The following PTPRK variants were observed in gnomAD, a reference collection of about 807,000 sequenced individuals.
The protein encoded by PTPRK is protein tyrosine phosphatase receptor type K, also known as receptor-type tyrosine-protein phosphatase kappa.
Under a neutral mutation model 178.0 loss-of-function variants are expected in PTPRK, and 75 were observed. The ratio of observed to expected loss-of-function variants is 0.42; its 90% confidence interval spans 0.35 to 0.51. The LOEUF (loss-of-function observed/expected upper bound fraction) is 0.51, where lower values mean the gene tolerates loss of function less well. PTPRK is among the 20% of genes least tolerant of loss of function. PTPRK has a pLI of 0.02. For missense variants in PTPRK, 1,441 were observed against 1,797.8 expected, an observed-to-expected ratio of 0.80 and a Z score of 3.59; for synonymous variants, 637 against 620.6, an observed-to-expected ratio of 1.03 and a Z score of -0.39.
chr6:128,233,306 A>C (rs1300529324), intron 5 of PTPRK, among the ~76,000 whole-genome samples: 1 of 152,162 alleles, frequency 6.6e-6, no homozygotes, highest in Non-Finnish European at 1.5e-5. Flanking sequence ...CAATTAACTC[A>C]ATTGTTTAGA....
chr6:128,047,622 T>G (rs921877941), intron 13 of PTPRK, among the ~76,000 whole-genome samples: 2 of 152,160 alleles, frequency 1.3e-5, no homozygotes, highest in Admixed American at 6.6e-5. Context: ...AAGAAAGAGA[T>G]TCACTATTTT....
At chr6:128,302,216 G>A (rs528131392) in intron 3 of PTPRK, among the ~76,000 whole-genome samples, 52 of 151,632 alleles carry the variant, frequency 3.4e-4, no homozygotes, top group African/African-American at 1.0e-3. Context: ...GTGAAACCCC[G>A]TCTCTACTAA....
At chr6:128,298,069 A>T (rs887102128) in intron 3 of PTPRK, among the ~76,000 whole-genome samples, 2 of 152,172 alleles carry the variant, frequency 1.3e-5, no homozygotes, top group Admixed American at 1.3e-4. Context: ...ATCCCACAGA[A>T]ATACAAACTA....
chr6:127,983,382 A>G lies in PTPRK; in HGVS notation c.3252-5T>C, dbSNP rs761769320. 1 of 1,611,364 alleles carries G rather than the reference A, an allele frequency of 6.2e-7. No individual in the cohort carries two copies. The highest frequency in any genetic ancestry group is 1.1e-5 in the South Asian group (1 of 90,644). The stretch of plus-strand genomic sequence containing the variant: ...CCAGTTCGTCCAGCACCAGCACTGA[A>G]AAACAATTAAATTTAATGAATTGTA... On this transcript the variant is annotated splice_polypyrimidine_tract_variant and splice_region_variant and intron_variant, in intron 22 of 29. Coordinates refer to ENST00000368226, the MANE Select transcript of PTPRK (RefSeq NM_002844.4).
chr6:128,089,991 T>A lies in PTPRK; in HGVS notation c.1164A>T (p.Glu388Asp). The A allele has an allele frequency of 6.3e-7, 1 of 1,592,994 alleles. No individual in the cohort carries two copies. The highest frequency in any genetic ancestry group is 8.6e-7 in the Non-Finnish European group (1 of 1,161,216). Residue 388 changes from glutamate to aspartate, a missense_variant and splice_region_variant, in exon 8 of 30, where the codon GAA becomes GAT. Coordinates refer to ENST00000368226, the MANE Select transcript of PTPRK (RefSeq NM_002844.4). The stretch of plus-strand genomic sequence containing the variant: ...TTAATGTCTTTGGGGTTCTCATAGG[T>A]TCTGAAAAATAAATCAGAGTTGTAG... ...PPLITRTKCA[E>D]PMRTPKTLKI...
At chr6:128,077,462 G>A (rs924543852) in intron 11 of PTPRK, among the ~76,000 whole-genome samples, 2 of 151,854 alleles carry the variant, frequency 1.3e-5, no homozygotes, top group African/African-American at 4.8e-5. Flanking sequence ...GTATTCTTTT[G>A]TCAATACATT....
chr6:128,197,184 C>CT (rs5879879), intron 6 of PTPRK, among the ~76,000 whole-genome samples: 120,484 of 138,666 alleles, frequency 0.87, 52,322 homozygotes, highest in East Asian at 0.97. Context: ...TTGTTTTTTT[C>CT]TTTTTTTTTT....
intron 7 of PTPRK, among the ~76,000 whole-genome samples, chr6:128,146,790 T>C (rs1796564265): frequency 1.3e-5 from 2 of 152,088 alleles, no homozygotes; most frequent in African/African-American, 2.4e-5. Context: ...ACTTTATTAT[T>C]TGCATTCTAA....
At chr6:128,439,270 G>A (rs376380912) in intron 1 of PTPRK, among the ~76,000 whole-genome samples, 4 of 152,020 alleles carry the variant, frequency 2.6e-5, no homozygotes, top group Non-Finnish European at 5.9e-5. Flanking sequence ...GAATGAGCAC[G>A]GTAGATAACA....
At chr6:128,235,010 T>C (rs898897378) in intron 5 of PTPRK, among the ~76,000 whole-genome samples, 1 of 152,178 alleles carries the variant, frequency 6.6e-6, no homozygotes, top group Non-Finnish European at 1.5e-5. Flanking sequence ...AAAAGTGGAA[T>C]TGGAATGTCC....
chr6:128,004,878 A>G (rs1778243341), intron 15 of PTPRK: 15 of 509,120 alleles, frequency 2.9e-5, no homozygotes, highest in Non-Finnish European at 5.2e-5. Context: ...TAAAATTCAT[A>G]GAGTTTGAAG....
At chr6:128,001,754 C>G (rs1035548797) in intron 15 of PTPRK, among the ~76,000 whole-genome samples, 4 of 151,798 alleles carry the variant, frequency 2.6e-5, no homozygotes, top group Non-Finnish European at 5.9e-5. Context: ...TATTGTAAAT[C>G]CACAGGAGGA....
intron 15 of PTPRK, chr6:128,004,874 T>C: frequency 2.0e-6 from 1 of 504,790 alleles, no homozygotes; most frequent in Non-Finnish European, 3.5e-6. Flanking sequence ...GTAATAAAAT[T>C]CATAGAGTTT....
At chr6:128,216,698 A>G (rs1258858752) in intron 6 of PTPRK, among the ~76,000 whole-genome samples, 2 of 152,160 alleles carry the variant, frequency 1.3e-5, no homozygotes, top group African/African-American at 4.8e-5. Context: ...CTTTGATAAA[A>G]TAATAAAATC....
chr6:128,195,146 C>T (rs971282618), intron 6 of PTPRK, among the ~76,000 whole-genome samples: 2 of 151,738 alleles, frequency 1.3e-5, no homozygotes, highest in African/African-American at 4.9e-5. Flanking sequence ...ATGTCATCAG[C>T]CTAAATTCCA....
intron 1 of PTPRK, among the ~76,000 whole-genome samples, chr6:128,499,076 T>C (rs989342168): frequency 6.6e-6 from 1 of 152,200 alleles, no homozygotes; most frequent in Non-Finnish European, 1.5e-5. Flanking sequence ...CAAATGTGAA[T>C]AATGAGTTCA....
intron 1 of PTPRK, among the ~76,000 whole-genome samples, chr6:128,505,104 C>CTT (rs1491132852): frequency 7.0e-6 from 1 of 142,828 alleles, no homozygotes; most frequent in African/African-American, 2.6e-5. Context: ...AAGAAATTTA[C>CTT]TTGTTTTTTT....
At chr6:128,063,973 C>T (rs371041956) in intron 13 of PTPRK, among the ~76,000 whole-genome samples, 60 of 152,280 alleles carry the variant, frequency 3.9e-4, no homozygotes, top group African/African-American at 1.4e-3. Flanking sequence ...CAGCAAACCA[C>T]CCCAAGAACC....
intron 1 of PTPRK, among the ~76,000 whole-genome samples, chr6:128,452,956 T>G (rs1393836579): frequency 6.6e-6 from 1 of 152,190 alleles, no homozygotes; most frequent in African/African-American, 2.4e-5. Flanking sequence ...GGTTCCAACT[T>G]CACTGTGTCA....
Sources: gnomAD v4.1 joint callset for allele counts (sites outside exome capture counted in the v4.1 genomes callset) on GRCh38, gnomAD v4.1.1 for gene constraint, MANE v1.5 for transcripts, NCBI Gene and HGNC (gene_info 2026-07-23, HGNC 2026-07-21) for gene names.